Variants in DUOXA1 observed in about 807,000 individuals in gnomAD.
The protein encoded by DUOXA1 is dual oxidase activator 1.
DUOXA1 carries 19 observed loss-of-function variants against 26.6 expected under a neutral mutation model. The ratio of observed to expected loss-of-function variants is 0.71; its 90% CI spans 0.50 to 1.05. DUOXA1 has a LOEUF of 1.05. Among genes scored for constraint, DUOXA1 ranks in the 50% least tolerant of loss-of-function variants. DUOXA1 has a pLI of 0.00. For synonymous variants in DUOXA1, 166 were observed against 177.0 expected (o/e 0.94, Z 0.49); for missense variants, 403 against 427.5 (o/e 0.94, Z 0.51).
rs978901903 is a variant in DUOXA1, at chr15:45,118,934, T to C, written c.*172A>G. ...CTTCAGTCCCTTAGGGCTTTTTGTT[T>C]TGTTTTGTTTTTTAACATCAGTATA... On this transcript the variant is annotated 3_prime_UTR_variant, in exon 9 of 9. Transcript: ENST00000560572. 18 of 1,343,338 alleles carry C rather than the reference T, an allele frequency of 1.3e-5. No homozygotes were observed. The highest frequency in any genetic ancestry group is 1.6e-5 in the Non-Finnish European group (17 of 1,049,560). The allele number at this position is 1,343,338 out of a possible 1,614,324, so 83.2% of individuals were successfully genotyped here. A position where few individuals can be genotyped will look rare whatever the true frequency, so the allele number is the denominator to read the frequency against.
intron 3 of DUOXA1, among the ~76,000 whole-genome samples, chr15:45,124,531 ACAGAGTCTTGCTCTGT>A: frequency 6.6e-6 from 1 of 152,230 alleles, no homozygotes; most frequent in South Asian, 2.1e-4. Flanking sequence ...TTTGTTTGAG[ACAGAGTCTTGCTCTGT>A]CACCCAGGCT....
rs1352169244 is a variant in DUOXA1 at position 45,120,614 on chromosome 15, G to A, written c.532C>T (p.His178Tyr). The part of the protein sequence containing the change: ...GLYRQYRLAG[H>Y]YTSAMLWVAF... ...CACCATAGCATGGCTGAGGTGTAGT[G>A]TCCCGCCAGGCGGTACTGGCGGTAT... The change falls in exon 7 of 9, where the codon CAC becomes TAC. Residue 178 changes from histidine (H) to tyrosine (Y), a missense_variant. Physicochemically the swap from His to Tyr is moderately conservative, Grantham distance 83 (BLOSUM62 2). Transcript: ENST00000560572. 1.2e-6 allele frequency: 2 copies of A among 1,614,122 alleles called. No individual in the cohort carries two copies. Among genetic ancestry groups the A allele is most frequent in the South Asian group, 1.1e-5 (1 of 91,076 alleles).
intron 5 of DUOXA1, 91 bp downstream of exon 5, chr15:45,122,094 G>A (rs1236264446): frequency 3.2e-5 from 45 of 1,426,274 alleles, no homozygotes; most frequent in Admixed American, 5.9e-5. Context: ...AGGGCCCACC[G>A]CTGTGGGGAA....
Position 45,118,046 on chromosome 15 carries a change from C to A in DUOXA1, c.*1060G>T, listed in dbSNP as rs749986675. The A allele has an allele frequency of 1.3e-6, 2 of 1,591,492 alleles. No homozygotes were observed. Among genetic ancestry groups the A allele is most frequent in the East Asian group, 4.5e-5 (2 of 44,408 alleles). The stretch of plus-strand genomic sequence containing the variant: ...GCGAGGCCTCGGACATCCGCAGGCA[C>A]CAGGGAAAGTCTCCTGGGGCGATCT... On this transcript the variant is annotated 3_prime_UTR_variant, in exon 9 of 9. Transcript: ENST00000560572.
chr15:45,120,746 G>C lies in DUOXA1; in HGVS notation c.400C>G (p.Leu134Val), dbSNP rs200645130. The C allele has an allele frequency of 1.2e-6, 2 of 1,614,006 alleles. No homozygotes were observed. Among genetic ancestry groups the C allele is most frequent in the East Asian group, 2.2e-5 (1 of 44,894 alleles). Residue 134 changes from leucine (L) to valine (V), a missense_variant, in exon 7 of 9, where the codon CTG (leucine) becomes GTG (valine). By Grantham distance (32) the Leu-to-Val change is conservative (BLOSUM62 1). Transcript: ENST00000560572. ...INYNEEFTWR[L>V]GENYAEEYAK... ...TACTCCTCAGCATAGTTCTCACCCA[G>C]GCGCCAGGTGAACTCCTCGTTGTAA...
At position 45,119,125 on chromosome 15, in the gene DUOXA1, T is replaced by G; in HGVS notation, c.1013A>C (p.Asp338Ala). 6.3e-7 allele frequency: 1 copy of G among 1,594,756 alleles called. No individual in the cohort carries two copies. The highest frequency in any genetic ancestry group is 1.3e-5 in the African/African-American group (1 of 74,726). The change falls in exon 9 of 9, where the codon GAT (aspartate) becomes GCT (alanine). Residue 338 changes from aspartate to alanine, a missense_variant. By Grantham distance (126) the Asp-to-Ala change is moderately radical. Transcript: ENST00000560572. ...GGAATGTTATAAAGCACAATCAGGA[T>G]CTTTGGGGTGTGCCTCCTTACAGTA... Reference protein sequence around the residue: ...KAYCKEAHPKDPDCAL With the variant: ...KAYCKEAHPKAPDCAL
At chr15:45,124,554 G>C (rs1895516767) in intron 3 of DUOXA1, among the ~76,000 whole-genome samples, 2 of 152,110 alleles carry the variant, frequency 1.3e-5, no homozygotes, top group Non-Finnish European at 2.9e-5. Context: ...CTGTCACCCA[G>C]GCTGGAGTGC....
At position 45,127,136 on chromosome 15, in the gene DUOXA1, A is replaced by G. The variant is rs1469041157; in HGVS notation, c.-30+1882T>C. Among the ~76,000 whole-genome samples the G allele has an allele frequency of 3.3e-5, 5 of 152,224 alleles. 1 individual carries two copies. The highest frequency in any genetic ancestry group is 4.1e-4 in the South Asian group (2 of 4,834). ...ATATTTTTAAATAAAAGTTCATAGG[A>G]GGAAGGTCTATAAAATGTAAAATAT... On this transcript the variant is annotated intron_variant, in intron 3 of 8. Coordinates refer to ENST00000560572, the MANE Select transcript of DUOXA1 (RefSeq NM_001276266.2).
intron 6 of DUOXA1, 95 bp downstream of exon 6, chr15:45,120,992 G>A: frequency 2.5e-6 from 4 of 1,575,070 alleles, no homozygotes; most frequent in Non-Finnish European, 3.5e-6. Context: ...CCCAGCCCCT[G>A]TGCCAGGCAT....
Position 45,121,105 on chromosome 15 carries a change from C to T in DUOXA1, c.322G>A (p.Val108Ile). The T allele has an allele frequency of 6.2e-7, 1 of 1,614,192 alleles. No homozygotes were observed. Among genetic ancestry groups the T allele is most frequent in the African/African-American group, 1.3e-5 (1 of 75,056 alleles). ...CCCTCACCTGTGAGTGTGATGTTGACTCCACCCAGCCCGACCTGCAGCCCA... is the reference window on the plus strand; with the variant it reads ...CCCTCACCTGTGAGTGTGATGTTGATTCCACCCAGCCCGACCTGCAGCCCA... ...DIGLQVGLGG[V>I]NITLTGTPVQ... The change falls in exon 6 of 9, where the codon GTC (valine) becomes ATC (isoleucine). Residue 108 changes from valine to isoleucine, a missense_variant. By Grantham distance (29) the Val-to-Ile change is conservative. Transcript: ENST00000560572.
Position 45,119,008 on chromosome 15 carries a change from G to A in DUOXA1, c.*98C>T. The A allele has an allele frequency of 1.3e-6, 2 of 1,487,030 alleles. No individual in the cohort carries two copies. The allele number at this position is 1,487,030 out of a possible 1,614,324, so 92.1% of individuals were successfully genotyped here. A position where few individuals can be genotyped will look rare whatever the true frequency, so the allele number is the denominator to read the frequency against. ...TCTGTAGATTGGTGCTGGGTGTCTG[G>A]TAACAGCCACCCTGAGGGCAGTTCT... On this transcript the variant is annotated 3_prime_UTR_variant, in exon 9 of 9. Transcript: ENST00000560572.
At chr15:45,123,748 A>G (rs1035480552) in intron 3 of DUOXA1, among the ~76,000 whole-genome samples, 5 of 152,170 alleles carry the variant, frequency 3.3e-5, no homozygotes, top group African/African-American at 1.2e-4. Flanking sequence ...ATTACCAACA[A>G]TGGCCCTTCT....
Position 45,117,548 on chromosome 15 carries a change from AGGG to A in DUOXA1, c.*1555_*1557del, listed in dbSNP as rs1435065768. ...GAGGTGTGTGGCGGGAGGTAACACA[AGGG>A]GTAGGCTCCAAAAGATGGAAGAAGG... On this transcript the variant is annotated 3_prime_UTR_variant, in exon 9 of 9. Coordinates refer to ENST00000560572, the MANE Select transcript of DUOXA1 (RefSeq NM_001276266.2). The A allele has an allele frequency of 1.3e-6, 2 of 1,575,420 alleles. No individual in the cohort carries two copies. Among genetic ancestry groups the A allele is most frequent in the Admixed American group, 3.7e-5 (2 of 53,790 alleles).
At chr15:45,120,030 C>G (rs141566917) in intron 8 of DUOXA1, 73 bp downstream of exon 8, 3 of 1,558,598 alleles carry the variant, frequency 1.9e-6, no homozygotes, top group Non-Finnish European at 2.6e-6. Context: ...TCAACTCTAC[C>G]GACATGATGC....
chr15:45,128,603 T>C (rs577162271), intron 3 of DUOXA1, among the ~76,000 whole-genome samples: 3 of 152,198 alleles, frequency 2.0e-5, no homozygotes, highest in Non-Finnish European at 2.9e-5. Flanking sequence ...TGAATGTATA[T>C]GTGTGTTGTT....
Position 45,121,102 on chromosome 15 carries a change from T to C in DUOXA1, c.325A>G (p.Asn109Asp). ...IGLQVGLGGV[N>D]ITLTGTPVQQ... is the part of the protein sequence containing the mutation. ...CCTCCCTCACCTGTGAGTGTGATGTTGACTCCACCCAGCCCGACCTGCAGC... is the reference window on the plus strand; with the variant it reads ...CCTCCCTCACCTGTGAGTGTGATGTCGACTCCACCCAGCCCGACCTGCAGC... Residue 109 changes from asparagine (N) to aspartate (D), a missense_variant, in exon 6 of 9, where the codon AAC becomes GAC. By Grantham distance (23) the Asn-to-Asp change is conservative. Coordinates refer to ENST00000560572, the MANE Select transcript of DUOXA1 (RefSeq NM_001276266.2). The C allele has an allele frequency of 6.2e-7, 1 of 1,614,138 alleles. No homozygotes were observed. Among genetic ancestry groups the C allele is most frequent in the South Asian group, 1.1e-5 (1 of 91,072 alleles).
chr15:45,124,174 C>T (rs1187032067), intron 3 of DUOXA1, among the ~76,000 whole-genome samples: 2 of 152,138 alleles, frequency 1.3e-5, no homozygotes, highest in African/African-American at 2.4e-5. Context: ...TCTTATTAAG[C>T]GTTATAATGA....
rs1040453262 is a variant in DUOXA1 at position 45,120,040 on chromosome 15, C to T, written c.772+63G>A. 1.2e-5 allele frequency: 19 copies of T among 1,581,050 alleles called. No individual in the cohort carries two copies. In the Middle Eastern group the frequency reaches 6.7e-4, roughly 56 times the overall value. On this transcript the variant is annotated intron_variant, in intron 8 of 8. Coordinates refer to ENST00000560572, the MANE Select transcript of DUOXA1 (RefSeq NM_001276266.2). ...GACCCTCAACTCTACCGACATGATG[C>T]CCCCAGGCCCTCCCTCCCTGGCCTT...
intron 3 of DUOXA1, among the ~76,000 whole-genome samples, chr15:45,126,758 T>C (rs1444918947): frequency 6.6e-6 from 1 of 152,236 alleles, no homozygotes; most frequent in Admixed American, 6.5e-5. Flanking sequence ...AAGGGGGAGC[T>C]ATGCTCCCTT....
Sources: gnomAD v4.1 joint callset for allele counts (sites outside exome capture counted in the v4.1 genomes callset) on GRCh38, gnomAD v4.1.1 for gene constraint, MANE v1.5 for transcripts, NCBI Gene and HGNC (gene_info 2026-07-23, HGNC 2026-07-21) for gene names.